The following GPC5 variants were observed in gnomAD, a reference collection of about 807,000 sequenced individuals.
The protein encoded by GPC5 is glypican 5.
Under a neutral mutation model 53.9 loss-of-function variants are expected in GPC5, and 47 were observed. That is an observed-to-expected ratio of 0.87 (90% CI 0.69 to 1.11). The LOEUF is 1.11. Ranked by LOEUF, GPC5 falls within the 50% of genes most tolerant of loss-of-function variation. The pLI is 0.00. For synonymous variants in GPC5, 286 were observed against 263.3 expected (o/e 1.09, Z -0.84); for missense variants, 748 against 713.1 (o/e 1.05, Z -0.56).
intron 7 of GPC5, among the ~76,000 whole-genome samples, chr13:92,338,269 G>A (rs976823150): frequency 1.3e-5 from 2 of 152,002 alleles, no homozygotes; most frequent in African/African-American, 4.8e-5. Flanking sequence ...TAGAATGGTC[G>A]AAATTCAAAA....
At chr13:92,133,449 C>G (rs559100576) in intron 6 of GPC5, among the ~76,000 whole-genome samples, 2 of 152,158 alleles carry the variant, frequency 1.3e-5, no homozygotes, top group Non-Finnish European at 2.9e-5. Flanking sequence ...TTCTGCATAG[C>G]TGGCTAATGA....
At chr13:92,713,688 AC>A (rs1412300983) in intron 7 of GPC5, among the ~76,000 whole-genome samples, 1 of 151,968 alleles carries the variant, frequency 6.6e-6, no homozygotes, top group East Asian at 1.9e-4. Flanking sequence ...GACACTACAT[AC>A]CTATCAGAAT....
At chr13:91,548,100 C>T (rs2030402146) in intron 2 of GPC5, among the ~76,000 whole-genome samples, 1 of 152,054 alleles carries the variant, frequency 6.6e-6, no homozygotes, top group African/African-American at 2.4e-5. Context: ...CAACATTGTC[C>T]TGGGAGTCAT....
chr13:92,166,956 TCA>T (rs199854897), intron 7 of GPC5, among the ~76,000 whole-genome samples: 1,259 of 84,656 alleles, frequency 0.015, 5 homozygotes, highest in East Asian at 0.079. Flanking sequence ...TCTCTCTCTC[TCA>T]CACACACACA....
intron 6 of GPC5, among the ~76,000 whole-genome samples, chr13:92,045,281 A>G (rs2040973038): frequency 6.6e-6 from 1 of 152,212 alleles, no homozygotes; most frequent in Admixed American, 6.5e-5. Flanking sequence ...CAGAGAATCA[A>G]TGTGGGTATA....
intron 7 of GPC5, among the ~76,000 whole-genome samples, chr13:92,580,581 G>A (rs141616585): frequency 1.3e-5 from 2 of 152,248 alleles, no homozygotes; most frequent in African/African-American, 4.8e-5. Flanking sequence ...TGTACAGGAG[G>A]AATGGCACCA....
At chr13:92,328,062 C>T (rs9589504) in intron 7 of GPC5, among the ~76,000 whole-genome samples, 43,697 of 152,140 alleles carry the variant, frequency 0.29, 6,491 homozygotes, top group South Asian at 0.4. Context: ...TTGCGTACAC[C>T]TCTTGTGGCA....
At chr13:91,493,629 C>T (rs906402953) in intron 2 of GPC5, among the ~76,000 whole-genome samples, 2 of 152,070 alleles carry the variant, frequency 1.3e-5, no homozygotes, top group Non-Finnish European at 2.9e-5. Context: ...AAAACCAACT[C>T]GCAAGGGGGC....
chr13:91,713,326 C>T (rs560001888), intron 3 of GPC5, among the ~76,000 whole-genome samples: 1 of 150,558 alleles, frequency 6.6e-6, no homozygotes, highest in Non-Finnish European at 1.5e-5. Context: ...TGCCCCCCAC[C>T]CCCCTTTAAA....
intron 2 of GPC5, among the ~76,000 whole-genome samples, chr13:91,619,495 C>T (rs2033794519): frequency 6.6e-6 from 1 of 152,062 alleles, no homozygotes; most frequent in South Asian, 2.1e-4. Flanking sequence ...AAGTAAGAGG[C>T]TTTCTATTTA....
Position 91,915,999 on chromosome 13 carries a change from T to G in GPC5, c.1401+7942T>G, listed in dbSNP as rs1390468671. On this transcript the variant is annotated intron_variant, in intron 6 of 7. Transcript: ENST00000377067. ...TCAATAAAACATGCTTGCTACCATA[T>G]AGTAATGTGCTAAGGAACATGACTT... Among the ~76,000 whole-genome samples the G allele has an allele frequency of 2.0e-5, 3 of 152,218 alleles. No individual in the cohort carries two copies. The East Asian group carries it at 5.8e-4, about 29-fold the overall frequency.
At chr13:91,686,467 C>T (rs1286620142) in intron 2 of GPC5, among the ~76,000 whole-genome samples, 1 of 151,688 alleles carries the variant, frequency 6.6e-6, no homozygotes, top group African/African-American at 2.4e-5. Context: ...AATTAATATT[C>T]CAGAAAACTT....
chr13:91,412,015 C>T (rs972900530), intron 1 of GPC5, among the ~76,000 whole-genome samples: 9 of 152,100 alleles, frequency 5.9e-5, no homozygotes, highest in Non-Finnish European at 1.0e-4. Context: ...TCCCTCCCTT[C>T]CCCACCCTTT....
At position 91,730,177 on chromosome 13, in the gene GPC5, A is replaced by T. The variant is rs183539126; in HGVS notation, c.1154+1512A>T. 3.3e-3 allele frequency among the ~76,000 whole-genome samples: 508 copies of T among 152,282 alleles called. 2 individuals are homozygous for T. Among genetic ancestry groups the T allele is most frequent in the African/African-American group, 0.012 (493 of 41,562 alleles). On this transcript the variant is annotated intron_variant, in intron 4 of 7. Transcript: ENST00000377067. ...GCATTTCAATTTTACACTAATTTTTATTACCACTCTTTAGAGGGGCTTCAT... is the reference window on the plus strand; with the variant it reads ...GCATTTCAATTTTACACTAATTTTTTTTACCACTCTTTAGAGGGGCTTCAT...
At chr13:92,750,065 C>G (rs1172221805) in intron 7 of GPC5, among the ~76,000 whole-genome samples, 2 of 152,112 alleles carry the variant, frequency 1.3e-5, no homozygotes, top group African/African-American at 4.8e-5. Context: ...AAAAGGTAGG[C>G]TGAACAAGAA....
chr13:92,579,175 A>G (rs568885845), intron 7 of GPC5, among the ~76,000 whole-genome samples: 4 of 152,114 alleles, frequency 2.6e-5, no homozygotes, highest in African/African-American at 9.6e-5. Context: ...GTCGGATTCA[A>G]GCAGGTAGAA....
At chr13:92,006,066 TG>T (rs1256813582) in intron 6 of GPC5, among the ~76,000 whole-genome samples, 1 of 152,198 alleles carries the variant, frequency 6.6e-6, no homozygotes, top group Non-Finnish European at 1.5e-5. Flanking sequence ...TGTTGTCACT[TG>T]GAGAAATACT....
intron 7 of GPC5, among the ~76,000 whole-genome samples, chr13:92,361,630 A>G (rs2043567976): frequency 6.6e-6 from 1 of 151,670 alleles, no homozygotes; most frequent in Non-Finnish European, 1.5e-5. Context: ...AGGATCAACC[A>G]TCACAGAGCA....
intron 6 of GPC5, among the ~76,000 whole-genome samples, chr13:91,970,118 C>T (rs2040227107): frequency 6.6e-6 from 1 of 152,106 alleles, no homozygotes; most frequent in Admixed American, 6.6e-5. Context: ...CTTCCATTTG[C>T]AACAACATGG....
Sources: gnomAD v4.1 joint callset for allele counts (sites outside exome capture counted in the v4.1 genomes callset) on GRCh38, gnomAD v4.1.1 for gene constraint, MANE v1.5 for transcripts, NCBI Gene and HGNC (gene_info 2026-07-23, HGNC 2026-07-21) for gene names.